Variants in FTO observed in about 807,000 individuals in gnomAD.
FTO encodes FTO alpha-ketoglutarate dependent dioxygenase, also known as alpha-ketoglutarate-dependent dioxygenase FTO.
FTO carries 47 observed loss-of-function variants against 63.9 expected under a neutral mutation model. The ratio of observed to expected loss-of-function variants is 0.74; its 90% CI spans 0.58 to 0.94. FTO has a LOEUF of 0.94. Among genes scored for constraint, FTO ranks in the 40% least tolerant of loss-of-function variants. FTO has a pLI of 0.00. For missense variants in FTO, 562 were observed against 618.1 expected (o/e 0.91, Z 0.96); for synonymous variants, 207 against 224.4 (o/e 0.92, Z 0.69).
At chr16:53,909,862 C>G (rs888037495) in intron 7 of FTO, among the ~76,000 whole-genome samples, 11 of 152,038 alleles carry the variant, frequency 7.2e-5, no homozygotes, top group African/African-American at 2.7e-4. Context: ...CCACGCCCAG[C>G]TGAGAGCCTC....
intron 7 of FTO, among the ~76,000 whole-genome samples, chr16:53,897,329 T>G (rs867219458): frequency 1.3e-5 from 2 of 152,270 alleles, no homozygotes; most frequent in South Asian, 4.1e-4. Flanking sequence ...TACCGCTCAA[T>G]AAATCTCCTA....
intron 7 of FTO, among the ~76,000 whole-genome samples, chr16:53,893,730 A>G (rs937469207): frequency 6.6e-6 from 1 of 151,724 alleles, no homozygotes; most frequent in Admixed American, 6.6e-5. Context: ...CAGAGTAAAC[A>G]TTTTCGAAAG....
chr16:54,056,154 G>T (rs529753280), intron 8 of FTO, among the ~76,000 whole-genome samples: 2 of 152,360 alleles, frequency 1.3e-5, no homozygotes, highest in African/African-American at 4.8e-5. Flanking sequence ...TCTAATGGCT[G>T]ATGGTTCCAG....
intron 8 of FTO, among the ~76,000 whole-genome samples, chr16:53,948,694 AT>A (rs2082704883): frequency 6.6e-6 from 1 of 152,242 alleles, no homozygotes; most frequent in Non-Finnish European, 1.5e-5. Context: ...TCTCACAGTG[AT>A]TTAAATGTTA....
At chr16:53,775,943 T>C (rs1467798512) in intron 1 of FTO, among the ~76,000 whole-genome samples, 1 of 152,162 alleles carries the variant, frequency 6.6e-6, no homozygotes. Context: ...CCTTTTTATG[T>C]CGACAATGTA....
chr16:53,864,533 T>G (rs1191037672), intron 4 of FTO, among the ~76,000 whole-genome samples: 1 of 152,152 alleles, frequency 6.6e-6, no homozygotes, highest in Non-Finnish European at 1.5e-5. Context: ...CTACAGTGAA[T>G]GTCCAGAGCT....
At chr16:54,064,109 G>A (rs1017024810) in intron 8 of FTO, among the ~76,000 whole-genome samples, 4 of 151,864 alleles carry the variant, frequency 2.6e-5, no homozygotes, top group African/African-American at 4.8e-5. Flanking sequence ...GGAGCTTAAC[G>A]TAGGGTACTG....
rs139264619 is a variant in FTO, at chr16:53,777,626, T to C, written c.46-32514T>C. Among the ~76,000 whole-genome samples the C allele has an allele frequency of 1.0e-2, 1,521 of 152,278 alleles. 25 individuals are homozygous for C. The highest frequency in any genetic ancestry group is 0.035 in the African/African-American group (1,438 of 41,556). ...TACAGATCTTCCAAATGTTGATGCA[T>C]TTCATTATACAGTGTAAAAAAAGGT... On this transcript the variant is annotated intron_variant, in intron 1 of 8. Transcript: ENST00000471389.
chr16:53,820,075 C>G (rs12447691), intron 2 of FTO, among the ~76,000 whole-genome samples: 37,060 of 147,324 alleles, frequency 0.25, 5,288 homozygotes, highest in Non-Finnish European at 0.32. Context: ...GTGGTGTGAT[C>G]TCGGCTCACT....
At chr16:53,963,088 C>T (rs930103713) in intron 8 of FTO, among the ~76,000 whole-genome samples, 3 of 152,182 alleles carry the variant, frequency 2.0e-5, no homozygotes, top group African/African-American at 7.2e-5. Context: ...ACAGTATAGT[C>T]ACAGGCAAAC....
intron 8 of FTO, among the ~76,000 whole-genome samples, chr16:54,075,276 G>A (rs1339789945): frequency 6.6e-6 from 1 of 151,998 alleles, no homozygotes; most frequent in East Asian, 1.9e-4. Context: ...TGTTGGTAAT[G>A]GCAATATTAT....
chr16:53,828,894 C>T (rs1326610836), intron 3 of FTO, among the ~76,000 whole-genome samples: 1 of 152,030 alleles, frequency 6.6e-6, no homozygotes, highest in Admixed American at 6.6e-5. Context: ...TATTATTTTA[C>T]TTTTTTAATT....
chr16:54,039,316 T>G (rs1187728502), intron 8 of FTO: 2 of 152,242 alleles, frequency 1.3e-5, no homozygotes, highest in Non-Finnish European at 2.9e-5. Flanking sequence ...AAGAGCAACT[T>G]CAGAGGTGCC....
Position 53,888,911 on chromosome 16 carries a change from T to C in FTO, c.1199T>C (p.Met400Thr). The C allele has an allele frequency of 6.2e-7, 1 of 1,614,148 alleles. No individual in the cohort carries two copies. The highest frequency in any genetic ancestry group is 8.5e-7 in the Non-Finnish European group (1 of 1,179,966). The change falls in exon 7 of 9, where the codon ATG becomes ACG. Residue 400 changes from methionine (M) to threonine (T), a missense_variant. Physicochemically the swap from Met to Thr is moderately conservative, Grantham distance 81. Coordinates refer to ENST00000471389, the MANE Select transcript of FTO (RefSeq NM_001080432.3). Reference protein sequence around the residue: ...RKCTDWWCQPMAQLEALWKKM... With the variant: ...RKCTDWWCQPTAQLEALWKKM... Reference sequence around the variant, plus strand: ...TGCACTGACTGGTGGTGTCAACCCATGGCTCAACTGGAAGCACTGTGGAAG... The same window carrying C: ...TGCACTGACTGGTGGTGTCAACCCACGGCTCAACTGGAAGCACTGTGGAAG...
chr16:53,901,205 A>G (rs1175409028), intron 7 of FTO, among the ~76,000 whole-genome samples: 1 of 152,208 alleles, frequency 6.6e-6, no homozygotes, highest in Admixed American at 6.5e-5. Flanking sequence ...GAGATTAGGT[A>G]ATTTTTCTAC....
At chr16:53,735,638 G>T (rs1036852639) in intron 1 of FTO, among the ~76,000 whole-genome samples, 2 of 152,198 alleles carry the variant, frequency 1.3e-5, no homozygotes, top group South Asian at 4.1e-4. Context: ...TGTGCTTCAC[G>T]GAGTGAGTAA....
At chr16:53,851,491 A>G (rs1366028972) in intron 4 of FTO, among the ~76,000 whole-genome samples, 1 of 151,738 alleles carries the variant, frequency 6.6e-6, no homozygotes, top group African/African-American at 2.4e-5. Context: ...ATAATTGGAG[A>G]AATAATACAT....
chr16:54,049,891 A>AT (rs1364935983), intron 8 of FTO, among the ~76,000 whole-genome samples: 2 of 152,240 alleles, frequency 1.3e-5, no homozygotes, highest in African/African-American at 4.8e-5. Context: ...GCTGGCTCTC[A>AT]GCGTCAAAGC....
At chr16:53,887,933 TA>T (rs1259740572) in intron 6 of FTO, 1 of 152,180 alleles carries the variant, frequency 6.6e-6, no homozygotes. Context: ...TATTTTAATT[TA>T]TTGTAATTTA....
Sources: allele counts gnomAD v4.1 joint callset (sites outside exome capture counted in the v4.1 genomes callset), GRCh38; gene constraint gnomAD v4.1.1; transcripts MANE v1.5; gene names NCBI Gene and HGNC (gene_info 2026-07-23, HGNC 2026-07-21).